ELOA: variants seen among roughly 807,000 people sequenced by gnomAD.
The protein encoded by ELOA is elongin-A.
ELOA carries 15 observed loss-of-function variants against 85.2 expected under a neutral mutation model. That is an observed-to-expected ratio of 0.18 (90% CI 0.12 to 0.27). ELOA has a LOEUF of 0.27. ELOA is among the 10% of genes least tolerant of loss of function. ELOA has a pLI of 1.00. For missense variants in ELOA, 769 were observed against 952.7 expected (o/e 0.81, Z 2.54); for synonymous variants, 348 against 357.2 (o/e 0.97, Z 0.29).
At chr1:23,757,591 C>T (rs1644800562) in intron 10 of ELOA, among the ~76,000 whole-genome samples, 2 of 152,110 alleles carry the variant, frequency 1.3e-5, no homozygotes, top group African/African-American at 4.8e-5. Context: ...CTCTGCCTTC[C>T]AGGTTCATGC....
intron 1 of ELOA, among the ~76,000 whole-genome samples, chr1:23,747,109 C>T (rs560971011): frequency 9.8e-5 from 15 of 152,302 alleles, no homozygotes; most frequent in African/African-American, 3.6e-4. Context: ...GACTTCCAGC[C>T]TCATCCTTAT....
At chr1:23,753,968 A>C in intron 5 of ELOA, 132 bp from the exon 6 acceptor site, 1 of 1,146,454 alleles carries the variant, frequency 8.7e-7, no homozygotes, top group Non-Finnish European at 1.2e-6. Context: ...TTATTTTTAA[A>C]TTCTCTGGAA....
At chr1:23,758,259 A>ATTTTTTTTTTTTTTTTTTTTTTTT (rs1162019928) in intron 10 of ELOA, among the ~76,000 whole-genome samples, 2 of 41,956 alleles carry the variant, frequency 4.8e-5, no homozygotes, top group East Asian at 7.2e-4. Flanking sequence ...TTATTTATTT[A>ATTTTTTTTTTTTTTTTTTTTTTTT]TTTTTTTTTT....
At chr1:23,758,569 G>A (rs553820517) in intron 10 of ELOA, among the ~76,000 whole-genome samples, 1 of 148,770 alleles carries the variant, frequency 6.7e-6, no homozygotes, top group South Asian at 2.2e-4. Flanking sequence ...CACCATGCCT[G>A]GCCGGGTCTT....
chr1:23,749,775 CTTAT>C, intron 2 of ELOA, 63 bp from the exon 3 acceptor site: 1 of 1,397,584 alleles, frequency 7.2e-7, no homozygotes, highest in Non-Finnish European at 1.0e-6. Context: ...AGTAGAAAGC[CTTAT>C]TTCTTTAGAA....
rs992811329 is a variant in ELOA at position 23,743,596 on chromosome 1, G to A, written c.75+18G>A. On this transcript the variant is annotated intron_variant, in intron 1 of 10. Coordinates refer to ENST00000613537, the MANE Select transcript of ELOA (RefSeq NM_003198.3). ...CTAAGAAGGTAAGCGAGGGGGCGGC[G>A]CGTAGCGGGATGGGCGTTGGGTCGG... 12 of 1,476,480 alleles carry A rather than the reference G, an allele frequency of 8.1e-6. No homozygotes were observed. The highest frequency in any genetic ancestry group is 1.1e-5 in the Non-Finnish European group (12 of 1,117,276). 91.5% of individuals were successfully genotyped at this position (1,476,480 alleles called of 1,614,324 possible).
chr1:23,748,919 C>A, intron 1 of ELOA, 102 bp from the exon 2 acceptor site: 2 of 874,624 alleles, frequency 2.3e-6, no homozygotes, highest in Non-Finnish European at 3.7e-6. Context: ...AGGCATAATA[C>A]TTATACTCAT....
chr1:23,757,827 A>G (rs961569773), intron 10 of ELOA, among the ~76,000 whole-genome samples: 2 of 152,180 alleles, frequency 1.3e-5, no homozygotes, highest in East Asian at 3.9e-4. Flanking sequence ...AAAAAAAAAA[A>G]AAAGTGAAAG....
chr1:23,748,164 A>G (rs550843628), intron 1 of ELOA, among the ~76,000 whole-genome samples: 2 of 152,348 alleles, frequency 1.3e-5, no homozygotes, highest in South Asian at 4.1e-4. Context: ...GTGAGCTTTC[A>G]TAGTGTTCTA....
intron 2 of ELOA, among the ~76,000 whole-genome samples, chr1:23,749,503 A>G (rs577298413): frequency 2.8e-4 from 43 of 152,342 alleles, no homozygotes; most frequent in Admixed American, 3.3e-4. Flanking sequence ...TCTGAGTTCT[A>G]TGACTTTAGG....
At chr1:23,754,496 T>C (rs1644786178) in intron 7 of ELOA, 36 bp downstream of exon 7, 8 of 1,548,780 alleles carry the variant, frequency 5.2e-6, no homozygotes, top group Non-Finnish European at 7.1e-6. Context: ...AGGGCAGTTT[T>C]CTGGCTTGTA....
chr1:23,758,276 T>TA (rs1557456790), intron 10 of ELOA, among the ~76,000 whole-genome samples: 8 of 104,096 alleles, frequency 7.7e-5, no homozygotes, highest in East Asian at 2.8e-4. Flanking sequence ...TTTTTTTTTT[T>TA]TTTTTTTTTT....
chr1:23,762,042 A>T lies in ELOA; in HGVS notation c.*2469A>T, dbSNP rs1638307367. ...TATGAAAAGGAAAATTCCATGTCTA[A>T]ATAAAAAACAAACTCCATATACTGT... On this transcript the variant is annotated 3_prime_UTR_variant, in exon 11 of 11. Coordinates refer to ENST00000613537, the MANE Select transcript of ELOA (RefSeq NM_003198.3). 6.6e-6 allele frequency: 1 copy of T among 152,224 alleles called. No individual in the cohort carries two copies. The highest frequency in any genetic ancestry group is 2.1e-4 in the South Asian group (1 of 4,828). 9.4% of individuals were successfully genotyped at this position (152,224 alleles called of 1,614,324 possible). A position where few individuals can be genotyped will look rare whatever the true frequency, so the allele number is the denominator to read the frequency against.
chr1:23,758,517 C>T (rs1638247270), intron 10 of ELOA, among the ~76,000 whole-genome samples: 1 of 149,590 alleles, frequency 6.7e-6, no homozygotes, highest in East Asian at 2.0e-4. Flanking sequence ...TTGTGATTCG[C>T]CCGCCTCAGC....
At chr1:23,756,062 T>C (rs1644793372) in intron 8 of ELOA, 39 bp downstream of exon 8, 2 of 1,601,412 alleles carry the variant, frequency 1.2e-6, no homozygotes, top group Non-Finnish European at 1.7e-6. Context: ...ACTGGCAGGA[T>C]GAGTGTTCTG....
In ELOA at chr1:23,751,666, C is replaced by T. The variant is rs767563828; in HGVS notation, c.1061C>T (p.Ala354Val). Residue 354 changes from alanine to valine, a missense_variant, in exon 4 of 11, where the codon GCA becomes GTA. By Grantham distance (64) the Ala-to-Val change is moderately conservative. Around this residue, in one of 4 missense-constraint regions of ELOA, gnomAD observed 440 missense variants for 474.0 expected, o/e 0.93. Transcript: ENST00000613537. ...GACAGCTTTGACACAGGAAAAGGAG[C>T]AGGAGACCTGTTGCCCAAGGTAAAA... ...GLDSFDTGKG[A>V]GDLLPKVKEK... 2 of 1,614,144 alleles carry T rather than the reference C, an allele frequency of 1.2e-6. No individual in the cohort carries two copies. The highest frequency in any genetic ancestry group is 1.7e-6 in the Non-Finnish European group (2 of 1,180,034).
Position 23,759,840 on chromosome 1 carries a change from G to T in ELOA, c.*267G>T, listed in dbSNP as rs1243994655. On this transcript the variant is annotated 3_prime_UTR_variant, in exon 11 of 11. Transcript: ENST00000613537. ...TCAATTATACTTTTGTTGTTCATTA[G>T]CATCTTTGTAAACTATAAGACGTAG... The T allele has an allele frequency of 2.2e-6, 1 of 463,454 alleles. No individual in the cohort carries two copies. The highest frequency in any genetic ancestry group is 3.9e-6 in the Non-Finnish European group (1 of 257,832). 28.7% of individuals were successfully genotyped at this position (463,454 alleles called of 1,614,324 possible). A position where few individuals can be genotyped will look rare whatever the true frequency, so the allele number is the denominator to read the frequency against.
chr1:23,750,255 A>G (rs1644763858), intron 3 of ELOA, among the ~76,000 whole-genome samples: 1 of 136,714 alleles, frequency 7.3e-6, no homozygotes, highest in Non-Finnish European at 1.5e-5. Flanking sequence ...GGCTCACTGC[A>G]AGCTCCGCCT....
Position 23,755,975 on chromosome 1 carries a change from C to G in ELOA, c.1924C>G (p.Arg642Gly), listed in dbSNP as rs1158758844. 6.2e-7 allele frequency: 1 copy of G among 1,613,686 alleles called. No individual in the cohort carries two copies. Reference protein sequence around the residue: ...RLQDAREQRLRVLTKNIQFAH... With the variant: ...RLQDAREQRLGVLTKNIQFAH... ...TCAGGACGCCCGAGAGCAGCGGCTA[C>G]GAGTACTAACAAAGAATATCCAGTT... Residue 642 changes from arginine (R) to glycine (G), a missense_variant, in exon 8 of 11, where the codon CGA (arginine) becomes GGA (glycine). Physicochemically the swap from Arg to Gly is moderately radical, Grantham distance 125 (BLOSUM62 -2). Around this residue, in one of 4 missense-constraint regions of ELOA, gnomAD observed 20 missense variants for 58.8 expected, o/e 0.34. Coordinates refer to ENST00000613537, the MANE Select transcript of ELOA (RefSeq NM_003198.3).
Sources: gnomAD v4.1 joint callset for allele counts (sites outside exome capture counted in the v4.1 genomes callset) on GRCh38, gnomAD v4.1.1 for gene constraint, gnomAD v4.1.1 regional missense constraint, MANE v1.5 for transcripts, NCBI Gene and HGNC (gene_info 2026-07-23, HGNC 2026-07-21) for gene names.